Variants in ADK observed in about 807,000 individuals in gnomAD.
ADK encodes adenosine kinase, also known as N6,N6-dimethyladenosine kinase.
In ADK, 24 loss-of-function variants were observed where a neutral mutation model predicts 44.7. The observed-to-expected ratio is 0.54, with a 90% CI of 0.39 to 0.76. The LOEUF (loss-of-function observed/expected upper bound fraction) is 0.76, where lower values mean the gene tolerates loss of function less well. ADK is among the 30% of genes least tolerant of loss of function. ADK has a pLI of 0.00. For synonymous variants in ADK, 128 were observed against 142.6 expected (o/e 0.90, Z 0.73); for missense variants, 321 against 425.1 (o/e 0.76, Z 2.15).
intron 9 of ADK, among the ~76,000 whole-genome samples, chr10:74,665,198 G>T (rs1854901807): frequency 6.6e-6 from 1 of 152,006 alleles, no homozygotes; most frequent in African/African-American, 2.4e-5. Context: ...TATTTTTCTG[G>T]GAACTTTTCT....
At chr10:74,407,000 T>TC (rs1265616294) in intron 6 of ADK, among the ~76,000 whole-genome samples, 1 of 151,008 alleles carries the variant, frequency 6.6e-6, no homozygotes, top group Non-Finnish European at 1.5e-5. Context: ...TTTTTTTTTT[T>TC]CAGACAAGTT....
intron 6 of ADK, among the ~76,000 whole-genome samples, chr10:74,483,203 C>T (rs1847136179): frequency 6.6e-6 from 1 of 152,220 alleles, no homozygotes; most frequent in African/African-American, 2.4e-5. Context: ...CTCTTGCCCT[C>T]TGCATACCCA....
intron 9 of ADK, among the ~76,000 whole-genome samples, chr10:74,614,545 C>A (rs1353288686): frequency 6.6e-6 from 1 of 151,892 alleles, no homozygotes; most frequent in African/African-American, 2.4e-5. Flanking sequence ...TCCTTGTGCC[C>A]CCTCCTAATC....
At chr10:74,504,830 G>T (rs1847996608) in intron 6 of ADK, among the ~76,000 whole-genome samples, 1 of 152,080 alleles carries the variant, frequency 6.6e-6, no homozygotes. Context: ...TGACATGCCT[G>T]CTTCCCCTTC....
intron 4 of ADK, among the ~76,000 whole-genome samples, chr10:74,382,987 T>C (rs928080398): frequency 6.6e-6 from 1 of 151,948 alleles, no homozygotes; most frequent in Non-Finnish European, 1.5e-5. Context: ...CCTGCAATGA[T>C]AGGGGCCCCT....
At chr10:74,651,995 G>A (rs1476992969) in intron 9 of ADK, among the ~76,000 whole-genome samples, 5 of 149,724 alleles carry the variant, frequency 3.3e-5, no homozygotes, top group Admixed American at 2.0e-4. Context: ...TTTGGTTTTT[G>A]TTTTATTGAG....
At chr10:74,229,643 C>T (rs760733195) in intron 3 of ADK, among the ~76,000 whole-genome samples, 2 of 152,024 alleles carry the variant, frequency 1.3e-5, no homozygotes, top group Admixed American at 6.6e-5. Context: ...GTGATCTGCC[C>T]GTCTTGGCCT....
chr10:74,465,506 G>C (rs1371729274), intron 6 of ADK, among the ~76,000 whole-genome samples: 1 of 152,092 alleles, frequency 6.6e-6, no homozygotes, highest in East Asian at 1.9e-4. Flanking sequence ...TATTTTAGTA[G>C]GGTTATTCTC....
At chr10:74,496,883 T>C (rs1847707134) in intron 6 of ADK, among the ~76,000 whole-genome samples, 1 of 152,158 alleles carries the variant, frequency 6.6e-6, no homozygotes, top group Admixed American at 6.5e-5. Flanking sequence ...TACTGTGTAG[T>C]TTATTTGTTT....
At chr10:74,180,693 C>A (rs941946861) in intron 1 of ADK, among the ~76,000 whole-genome samples, 1 of 152,074 alleles carries the variant, frequency 6.6e-6, no homozygotes, top group Non-Finnish European at 1.5e-5. Flanking sequence ...CTCCTGACCT[C>A]ATGATCTGCC....
chr10:74,655,864 C>G (rs1564838874), intron 9 of ADK: 1 of 584,796 alleles, frequency 1.7e-6, no homozygotes, highest in East Asian at 3.5e-5. Context: ...GACCAGGAAG[C>G]CAGGCTGGCA....
chr10:74,247,583 C>T (rs1047259272), intron 3 of ADK, among the ~76,000 whole-genome samples: 1 of 152,050 alleles, frequency 6.6e-6, no homozygotes, highest in Non-Finnish European at 1.5e-5. Flanking sequence ...TAATACCAAC[C>T]ATCAGCTCCT....
chr10:74,236,929 A>G (rs1844985351), intron 3 of ADK, among the ~76,000 whole-genome samples: 2 of 152,216 alleles, frequency 1.3e-5, no homozygotes, highest in South Asian at 4.1e-4. Flanking sequence ...GCTAACAATC[A>G]TCTGAGCCTT....
intron 3 of ADK, among the ~76,000 whole-genome samples, chr10:74,245,692 G>T (rs1453258495): frequency 1.3e-5 from 2 of 151,218 alleles, no homozygotes; most frequent in African/African-American, 2.4e-5. Context: ...CCAGGTTCAA[G>T]CAATTCTCCT....
At chr10:74,299,215 C>T (rs1330065708) in intron 3 of ADK, among the ~76,000 whole-genome samples, 2 of 151,616 alleles carry the variant, frequency 1.3e-5, no homozygotes, top group African/African-American at 2.4e-5. Context: ...ATGTGGAGGC[C>T]GGGCACAGTG....
intron 9 of ADK, among the ~76,000 whole-genome samples, chr10:74,646,472 G>T (rs1459116570): frequency 6.6e-6 from 1 of 152,172 alleles, no homozygotes; most frequent in African/African-American, 2.4e-5. Flanking sequence ...GGATTATTAT[G>T]CTTAGGTCTT....
At chr10:74,260,109 C>T (rs1845989157) in intron 3 of ADK, among the ~76,000 whole-genome samples, 1 of 151,828 alleles carries the variant, frequency 6.6e-6, no homozygotes, top group African/African-American at 2.4e-5. Flanking sequence ...TCAAATAGAA[C>T]AGATGGTCTG....
In ADK at chr10:74,400,047, A is replaced by G. The variant is rs11814426; in HGVS notation, c.555+1468A>G. Among the ~76,000 whole-genome samples the G allele has an allele frequency of 5.1e-3, 776 of 152,200 alleles. 12 individuals are homozygous for G. Among genetic ancestry groups the G allele is most frequent in the African/African-American group, 0.017 (724 of 41,566 alleles). ...CTCATAGTTTTAGCATTTATGCACT[A>G]TATTGTATCTAGCCATATTTGGGTG... On this transcript the variant is annotated intron_variant, in intron 6 of 10. Transcript: ENST00000539909.
Position 74,695,619 on chromosome 10 carries a change from G to GGGGTGT in ADK, c.965-12701_965-12700insGGTGTG, listed in dbSNP as rs1480624866. ...TTTTACAATTCCTGTGTATGTGTGG[G>GGGGTGT]GTGTGTGTGTGTGTGTGTGTGTGTG... On this transcript the variant is annotated intron_variant, in intron 10 of 10. Coordinates refer to ENST00000539909, the MANE Select transcript of ADK (RefSeq NM_006721.4). Among the ~76,000 whole-genome samples the GGGGTGT allele has an allele frequency of 6.8e-3, 613 of 90,116 alleles. 3 individuals are homozygous for GGGGTGT. The highest frequency in any genetic ancestry group is 9.8e-3 in the African/African-American group (240 of 24,614). 59.1% of individuals were successfully genotyped at this position (90,116 alleles called of 152,430 possible).
Sources: gnomAD v4.1 joint callset for allele counts (sites outside exome capture counted in the v4.1 genomes callset) on GRCh38, gnomAD v4.1.1 for gene constraint, MANE v1.5 for transcripts, NCBI Gene and HGNC (gene_info 2026-07-23, HGNC 2026-07-21) for gene names.